Variants in TET2 observed in about 807,000 individuals in gnomAD.
TET2 encodes the protein tet methylcytosine dioxygenase 2.
In TET2, 299 loss-of-function variants were observed where a neutral mutation model predicts 142.9. That is an observed-to-expected ratio of 2.09 (90% CI 1.90 to 2.30). The LOEUF is 2.30. Among genes scored for constraint, TET2 ranks in the 30% most tolerant of loss-of-function variants. TET2 has a pLI of 0.00. For missense variants in TET2, 2,418 were observed against 2,378.0 expected (o/e 1.02, Z -0.35); for synonymous variants, 819 against 849.0 (o/e 0.96, Z 0.61).
intron 2 of TET2, among the ~76,000 whole-genome samples, chr4:105,198,734 T>C (rs904306583): frequency 1.3e-5 from 2 of 152,200 alleles, no homozygotes; most frequent in Admixed American, 1.3e-4. Context: ...CTTTACTGCA[T>C]TCCTAAGAGG....
At position 105,235,713 on chromosome 4, in the gene TET2, CA is replaced by C; in HGVS notation, c.1772del (p.Gln591ArgfsTer10). ...RNEASLPSIL[Q>X]YQPNLSNQMT... ...TGAGGCATCACTGCCATCAATTCTT[CA>C]GTATCAACCCAATCTCTCCAATCAA... On this transcript the variant is annotated frameshift_variant, in exon 3 of 11. Coordinates refer to ENST00000380013, the MANE Select transcript of TET2 (RefSeq NM_001127208.3). LOFTEE classifies it high-confidence loss of function. 1 of 1,614,146 alleles carries C rather than the reference CA, an allele frequency of 6.2e-7. No individual in the cohort carries two copies. Among genetic ancestry groups the C allele is most frequent in the Non-Finnish European group, 8.5e-7 (1 of 1,179,996 alleles).
intron 3 of TET2, 185 bp downstream of exon 3, chr4:105,237,536 T>G (rs1729029183): frequency 6.4e-7 from 1 of 1,562,978 alleles, no homozygotes. Context: ...GAAAGAGAAC[T>G]TCACTTACAT....
At position 105,234,210 on chromosome 4, in the gene TET2, C is replaced by A; in HGVS notation, c.268C>A (p.Gln90Lys). Residue 90 changes from glutamine (Q) to lysine (K), a missense_variant, in exon 3 of 11, where the codon CAA (glutamine) becomes AAA (lysine). Coordinates refer to ENST00000380013, the MANE Select transcript of TET2 (RefSeq NM_001127208.3). ...AAGTAGAGGGTATTCCAAGTGTTTG[C>A]AAAATGGAGGAATAAAACGCACAGT... ...QESRGYSKCL[Q>K]NGGIKRTVSE... 1 of 1,614,112 alleles carries A rather than the reference C, an allele frequency of 6.2e-7. No homozygotes were observed.
chr4:105,268,047 A>G (rs1205878822), intron 8 of TET2, among the ~76,000 whole-genome samples: 4 of 152,148 alleles, frequency 2.6e-5, no homozygotes, highest in African/African-American at 4.8e-5. Flanking sequence ...TTTTTAACCA[A>G]CTGCTTCTAT....
chr4:105,158,513 G>T (rs1351854652), intron 1 of TET2, among the ~76,000 whole-genome samples: 1 of 152,122 alleles, frequency 6.6e-6, no homozygotes, highest in African/African-American at 2.4e-5. Flanking sequence ...GAAAGCCATT[G>T]AATACTGAAT....
rs1450649265 is a variant in TET2 at position 105,234,283 on chromosome 4, A to G, written c.341A>G (p.Gln114Arg). Residue 114 changes from glutamine to arginine, a missense_variant, in exon 3 of 11, where the codon CAA becomes CGA. Gln to Arg is a conservative substitution (Grantham distance 43, BLOSUM62 1). Coordinates refer to ENST00000380013, the MANE Select transcript of TET2 (RefSeq NM_001127208.3). ...CTCCTTCAGATCAAGAAATTGAAAC[A>G]AGACCAAAAGGCTAATGGAGAAAGA... The part of the protein sequence containing the change: ...SGLLQIKKLK[Q>R]DQKANGERRN... 6.2e-7 allele frequency: 1 copy of G among 1,614,090 alleles called. No individual in the cohort carries two copies. The highest frequency in any genetic ancestry group is 8.5e-7 in the Non-Finnish European group (1 of 1,180,000).
rs574111426 is a variant in TET2, at chr4:105,208,416, A to G, written c.-47+17911A>G. 7.9e-5 allele frequency among the ~76,000 whole-genome samples: 12 copies of G among 152,262 alleles called. No individual in the cohort carries two copies. The South Asian group carries it at 2.5e-3, about 32-fold the overall frequency. On this transcript the variant is annotated intron_variant, in intron 2 of 10. Transcript: ENST00000380013. ...TCCCCAACATACTCCTCTGAATTAC[A>G]TTTTGAGTTATCTGAAGGATCAATA...
chr4:105,244,584 A>ATTTTT (rs1237638072), intron 6 of TET2, among the ~76,000 whole-genome samples: 1 of 116,756 alleles, frequency 8.6e-6, no homozygotes, highest in African/African-American at 3.5e-5. Context: ...CTACACAGAA[A>ATTTTT]TGTTTTTTTT....
chr4:105,171,593 A>G (rs896886162), intron 1 of TET2: 1 of 152,174 alleles, frequency 6.6e-6, no homozygotes, highest in Non-Finnish European at 1.5e-5. Flanking sequence ...TTACTGAGAT[A>G]TCTTCTGTAA....
intron 2 of TET2, among the ~76,000 whole-genome samples, chr4:105,233,101 AG>A (rs1231794479): frequency 7.2e-5 from 11 of 152,052 alleles, no homozygotes; most frequent in African/African-American, 2.7e-4. Flanking sequence ...AAGCTACTGC[AG>A]GTGGGGTGCG....
chr4:105,259,815 A>C, intron 7 of TET2, 46 bp downstream of exon 7: 1 of 1,528,508 alleles, frequency 6.5e-7, no homozygotes, highest in Non-Finnish European at 8.8e-7. Flanking sequence ...TTCATAGAGA[A>C]TTCATTAGCT....
At chr4:105,273,453 G>A (rs1015356110) in intron 10 of TET2, among the ~76,000 whole-genome samples, 1 of 152,142 alleles carries the variant, frequency 6.6e-6, no homozygotes, top group African/African-American at 2.4e-5. Context: ...TAATAGTTTG[G>A]AGATAAACAC....
chr4:105,243,440 A>C (rs1181519822), intron 5 of TET2, 130 bp from the exon 6 acceptor site: 4 of 821,962 alleles, frequency 4.9e-6, no homozygotes, highest in Non-Finnish European at 7.8e-6. Flanking sequence ...CATGCTGATA[A>C]ATGTTGCCCT....
At chr4:105,223,960 A>G (rs768550535) in intron 2 of TET2, among the ~76,000 whole-genome samples, 1 of 152,104 alleles carries the variant, frequency 6.6e-6, no homozygotes, top group Non-Finnish European at 1.5e-5. Context: ...AGGATTCATG[A>G]TGGTAGAGTA....
At chr4:105,267,245 A>T (rs1381759866) in intron 8 of TET2, among the ~76,000 whole-genome samples, 3 of 152,108 alleles carry the variant, frequency 2.0e-5, no homozygotes, top group Non-Finnish European at 2.9e-5. Context: ...AAAATGTTAA[A>T]CGAAATCCTT....
upstream of TET2, chr4:105,146,835 A>C (rs1015238806): frequency 1.3e-5 from 2 of 152,246 alleles, no homozygotes; most frequent in African/African-American, 4.8e-5. Flanking sequence ...ACAGACGTCA[A>C]ACTGCCTTAT....
intron 9 of TET2, among the ~76,000 whole-genome samples, chr4:105,271,104 G>T (rs1002872072): frequency 2.0e-5 from 3 of 152,070 alleles, no homozygotes; most frequent in Non-Finnish European, 4.4e-5. Context: ...GTTTGGTGGG[G>T]TTTTTTTGTT....
intron 8 of TET2, among the ~76,000 whole-genome samples, chr4:105,267,343 CTT>C (rs1241966236): frequency 1.3e-5 from 2 of 151,754 alleles, no homozygotes; most frequent in African/African-American, 4.8e-5. Flanking sequence ...GGTTAAAAGA[CTT>C]TTAAAAAAAT....
chr4:105,167,426 T>C (rs1045319829), intron 1 of TET2, among the ~76,000 whole-genome samples: 39 of 151,786 alleles, frequency 2.6e-4, no homozygotes, highest in African/African-American at 8.7e-4. Context: ...TACATGTATA[T>C]GTAGTATATG....
Sources: allele counts gnomAD v4.1 joint callset (sites outside exome capture counted in the v4.1 genomes callset), GRCh38; gene constraint gnomAD v4.1.1; transcripts MANE v1.5; gene names NCBI Gene and HGNC (gene_info 2026-07-23, HGNC 2026-07-21).